The following AVPR1A variants were observed in gnomAD, a reference collection of about 807,000 sequenced individuals.
The protein encoded by AVPR1A is arginine vasopressin receptor 1A, also known as vasopressin V1a receptor.
In AVPR1A, 31 loss-of-function variants were observed where a neutral mutation model predicts 31.5. That is an observed-to-expected ratio of 0.99 (90% CI 0.74 to 1.33). The LOEUF (loss-of-function observed/expected upper bound fraction) is 1.33. AVPR1A is among the 40% of genes most tolerant of loss of function. The pLI is 0.00. For synonymous variants in AVPR1A, 243 were observed against 233.2 expected (o/e 1.04, Z -0.38); for missense variants, 570 against 575.2 (o/e 0.99, Z 0.09).
In AVPR1A at chr12:63,150,269, A is replaced by T. The variant is rs1416060967; in HGVS notation, c.568T>A (p.Ser190Thr). 1 of 1,613,878 alleles carries T rather than the reference A, an allele frequency of 6.2e-7. No homozygotes were observed. The highest frequency in any genetic ancestry group is 8.5e-7 in the Non-Finnish European group (1 of 1,180,028). ...GTGACATTGTTCACCTCGATCATGG[A>T]GAAGACGAAGTACTGCGGCGTGCTC... ...VLSTPQYFVFSMIEVNNVTKA... is the reference protein window; with the variant it reads ...VLSTPQYFVFTMIEVNNVTKA... The change falls in exon 1 of 2, where the codon TCC becomes ACC. Residue 190 changes from serine to threonine, a missense_variant. Ser to Thr is a moderately conservative substitution (Grantham distance 58). Transcript: ENST00000299178. The surrounding 1 kb of genome is among the most constrained non-coding windows in gnomAD (Gnocchi z 4.9).
Position 63,146,990 on chromosome 12 carries a change from G to A in AVPR1A, c.*369C>T. ...GATGAGCTCTCTTTGTTCAGAAATA[G>A]TGCCGCATTTTATGTGACTTTTAAA... On this transcript the variant is annotated 3_prime_UTR_variant, in exon 2 of 2. Transcript: ENST00000299178. 5.2e-6 allele frequency: 1 copy of A among 192,296 alleles called. No homozygotes were observed. The allele number at this position is 192,296 out of a possible 1,614,324, so 11.9% of individuals were successfully genotyped here. A position where few individuals can be genotyped will look rare whatever the true frequency, so the allele number is the denominator to read the frequency against.
rs568007297 is a variant in AVPR1A at position 63,146,382 on chromosome 12, G to A, written c.*977C>T. ...GACAAAGCTATTTTTAATTAAACAT[G>A]TTGGGACACTTTATATCCTGAGTCA... On this transcript the variant is annotated 3_prime_UTR_variant, in exon 2 of 2. Coordinates refer to ENST00000299178, the MANE Select transcript of AVPR1A (RefSeq NM_000706.5). 1 of 152,270 alleles carries A rather than the reference G, an allele frequency of 6.6e-6. No homozygotes were observed. Among genetic ancestry groups the A allele is most frequent in the South Asian group, 2.1e-4 (1 of 4,820 alleles). The allele number at this position is 152,270 out of a possible 1,614,324, so 9.4% of individuals were successfully genotyped here.
At chr12:63,149,656 CTT>C (rs60306126) in intron 1 of AVPR1A, among the ~76,000 whole-genome samples, 21 of 143,522 alleles carry the variant, frequency 1.5e-4, no homozygotes, top group South Asian at 6.6e-4. Context: ...CAGGAATATG[CTT>C]TTTTTTTTTT....
chr12:63,148,134 A>G (rs141402029), intron 1 of AVPR1A, among the ~76,000 whole-genome samples: 164 of 152,332 alleles, frequency 1.1e-3, no homozygotes, highest in African/African-American at 3.8e-3. Context: ...TATGAAAACC[A>G]TACAGAAGAA....
chr12:63,150,793 G>C lies in AVPR1A; in HGVS notation c.44C>G (p.Ser15Cys). 1 of 1,594,896 alleles carries C rather than the reference G, an allele frequency of 6.3e-7. No individual in the cohort carries two copies. Among genetic ancestry groups the C allele is most frequent in the Non-Finnish European group, 8.5e-7 (1 of 1,177,474 alleles). Residue 15 changes from serine (S) to cysteine (C), a missense_variant, in exon 1 of 2, where the codon TCC becomes TGC. Coordinates refer to ENST00000299178, the MANE Select transcript of AVPR1A (RefSeq NM_000706.5). The surrounding 1 kb of genome is among the most constrained non-coding windows in gnomAD (Gnocchi z 4.9). ...AGPDAGPSGN[S>C]SPWWPLATGA... ...GGTGGCCAGAGGCCACCATGGGCTGGAGTTGCCCGAGGGCCCCGCGTCGGG... is the reference window on the plus strand; with the variant it reads ...GGTGGCCAGAGGCCACCATGGGCTGCAGTTGCCCGAGGGCCCCGCGTCGGG...
rs1477694922 is a variant in AVPR1A at position 63,149,934 on chromosome 12, G to A, written c.903C>T (p.Ile301=). The stretch of plus-strand genomic sequence containing the variant: ...TGATGAAGAAAGGCGCCCAGCAGAC[G>A]ATGTAAGCCGTCACGATCACAAAAG... The part of the protein sequence containing the change: ...KMTFVIVTAY[I]VCWAPFFIIQ... The change falls in exon 1 of 2, where the codon ATC becomes ATT. Residue 301 remains isoleucine, a synonymous_variant. Transcript: ENST00000299178. 1.9e-6 allele frequency: 3 copies of A among 1,613,890 alleles called. No individual in the cohort carries two copies. The highest frequency in any genetic ancestry group is 2.5e-6 in the Non-Finnish European group (3 of 1,180,032).
chr12:63,149,116 G>A (rs1036878795), intron 1 of AVPR1A, among the ~76,000 whole-genome samples: 1 of 152,192 alleles, frequency 6.6e-6, no homozygotes, highest in East Asian at 1.9e-4. Context: ...TAAGAGTTGG[G>A]TGGAGAGATG....
chr12:63,148,953 T>C (rs1265916891), intron 1 of AVPR1A, among the ~76,000 whole-genome samples: 1 of 152,200 alleles, frequency 6.6e-6, no homozygotes, highest in African/African-American at 2.4e-5. Flanking sequence ...TTATTTAGTT[T>C]GAGTTTTTGT....
Position 63,150,482 on chromosome 12 carries a change from C to A in AVPR1A, c.355G>T (p.Gly119Cys), listed in dbSNP as rs1342372730. The part of the protein sequence containing the change: ...MCWDITYRFR[G>C]PDWLCRVVKH... ...ACCACGCGGCACAGCCAGTCGGGGCCGCGGAAGCGGTAGGTGATGTCCCAG... is the reference window on the plus strand; with the variant it reads ...ACCACGCGGCACAGCCAGTCGGGGCAGCGGAAGCGGTAGGTGATGTCCCAG... Residue 119 changes from glycine to cysteine, a missense_variant, in exon 1 of 2, where the codon GGC becomes TGC. Coordinates refer to ENST00000299178, the MANE Select transcript of AVPR1A (RefSeq NM_000706.5). This position sits in a 1 kb window ranked among gnomAD's most constrained non-coding sequence, Gnocchi z 4.9. 2 of 1,613,470 alleles carry A rather than the reference C, an allele frequency of 1.2e-6. No homozygotes were observed. The highest frequency in any genetic ancestry group is 2.2e-5 in the East Asian group (1 of 44,848).
At position 63,145,440 on chromosome 12, in the gene AVPR1A, C is replaced by T. The variant is rs1303961872; in HGVS notation, c.*1919G>A. The stretch of plus-strand genomic sequence containing the variant: ...ATACTATTAAAACCATGCTGGCCAA[C>T]ATGGTGAAACCCCATCTCTACTAAA... On this transcript the variant is annotated 3_prime_UTR_variant, in exon 2 of 2. Coordinates refer to ENST00000299178, the MANE Select transcript of AVPR1A (RefSeq NM_000706.5). The T allele has an allele frequency of 2.2e-6, 1 of 445,704 alleles. No homozygotes were observed. The highest frequency in any genetic ancestry group is 4.5e-6 in the Non-Finnish European group (1 of 224,210). 27.6% of individuals were successfully genotyped at this position (445,704 alleles called of 1,614,324 possible).
intron 1 of AVPR1A, 41 bp downstream of exon 1, chr12:63,149,826 A>T: frequency 1.3e-6 from 2 of 1,575,504 alleles, no homozygotes; most frequent in South Asian, 1.2e-5. Flanking sequence ...ACACACACAC[A>T]CTCCTATCCC....
rs1315504088 is a variant in AVPR1A at position 63,150,532 on chromosome 12, A to C, written c.305T>G (p.Phe102Cys). The change falls in exon 1 of 2, where the codon TTC (phenylalanine) becomes TGC (cysteine). Residue 102 changes from phenylalanine to cysteine, a missense_variant. By Grantham distance (205) the Phe-to-Cys change is radical. Coordinates refer to ENST00000299178, the MANE Select transcript of AVPR1A (RefSeq NM_000706.5). This position sits in a 1 kb window ranked among gnomAD's most constrained non-coding sequence, Gnocchi z 4.9. ...HLSLADLAVA[F>C]FQVLPQMCWD... is the part of the protein sequence containing the mutation. ...GCACATTTGCGGCAGCACCTGGAAG[A>C]ATGCCACGGCCAGGTCGGCCAGGCT... The C allele has an allele frequency of 6.2e-7, 1 of 1,613,134 alleles. No individual in the cohort carries two copies. The highest frequency in any genetic ancestry group is 8.5e-7 in the Non-Finnish European group (1 of 1,179,858).
Position 63,150,889 on chromosome 12 carries a change from C to T in AVPR1A, c.-53G>A. 3 of 1,457,568 alleles carry T rather than the reference C, an allele frequency of 2.1e-6. No homozygotes were observed. Among genetic ancestry groups the T allele is most frequent in the Non-Finnish European group, 2.7e-6 (3 of 1,113,140 alleles). 90.3% of individuals were successfully genotyped at this position (1,457,568 alleles called of 1,614,324 possible). ...TCTTCGGAGCTCCAGCCCTCGCGGG[C>T]CGCTCCCTCCCCGTCTCGGAGGACT... On this transcript the variant is annotated 5_prime_UTR_variant, in exon 1 of 2. Coordinates refer to ENST00000299178, the MANE Select transcript of AVPR1A (RefSeq NM_000706.5). This position sits in a 1 kb window ranked among gnomAD's most constrained non-coding sequence, Gnocchi z 4.9.
intron 1 of AVPR1A, among the ~76,000 whole-genome samples, chr12:63,148,128 A>G (rs973474688): frequency 6.6e-6 from 1 of 152,204 alleles, no homozygotes; most frequent in Non-Finnish European, 1.5e-5. Flanking sequence ...TTATAATATG[A>G]AAACCATACA....
Position 63,150,982 on chromosome 12 carries a change from A to C in AVPR1A, c.-146T>G. ...GCTTGCCGGGCTCTGCGATCCCTCC[A>C]GTGGGCGTCTCCCGGAGCAGCGTCC... On this transcript the variant is annotated 5_prime_UTR_variant, in exon 1 of 2. Transcript: ENST00000299178. This position sits in a 1 kb window ranked among gnomAD's most constrained non-coding sequence, Gnocchi z 4.9. The C allele has an allele frequency of 8.2e-7, 1 of 1,226,016 alleles. No homozygotes were observed. The highest frequency in any genetic ancestry group is 1.1e-6 in the Non-Finnish European group (1 of 911,282). 75.9% of individuals were successfully genotyped at this position (1,226,016 alleles called of 1,614,324 possible). A position where few individuals can be genotyped will look rare whatever the true frequency, so the allele number is the denominator to read the frequency against.
Position 63,145,825 on chromosome 12 carries a change from G to A in AVPR1A, c.*1534C>T, listed in dbSNP as rs1868354406. On this transcript the variant is annotated 3_prime_UTR_variant, in exon 2 of 2. Transcript: ENST00000299178. ...CCGTTTAAAAATGGAAAAAATTGAT[G>A]CTTGTGGGTGGCTTTGATCTACCTG... 6.5e-6 allele frequency: 1 copy of A among 152,712 alleles called. No homozygotes were observed. Among genetic ancestry groups the A allele is most frequent in the Non-Finnish European group, 1.5e-5 (1 of 68,442 alleles). The allele number at this position is 152,712 out of a possible 1,614,324, so 9.5% of individuals were successfully genotyped here.
rs1233812311 is a variant in AVPR1A at position 63,150,564 on chromosome 12, T to G, written c.273A>C (p.Arg91=). 8 of 1,612,638 alleles carry G rather than the reference T, an allele frequency of 5.0e-6. No individual in the cohort carries two copies. Among genetic ancestry groups the G allele is most frequent in the Non-Finnish European group, 6.8e-6 (8 of 1,179,868 alleles). The change falls in exon 1 of 2, where the codon CGA becomes CGC. Residue 91 remains arginine, a synonymous_variant. Transcript: ENST00000299178. This position sits in a 1 kb window ranked among gnomAD's most constrained non-coding sequence, Gnocchi z 4.9. ...RKTSRMHLFI[R]HLSLADLAVA... ...CGGCCAGGTCGGCCAGGCTGAGGTG[T>G]CGGATGAAGAGGTGCATGCGGGACG...
At chr12:63,149,039 C>G (rs1868404060) in intron 1 of AVPR1A, among the ~76,000 whole-genome samples, 1 of 151,984 alleles carries the variant, frequency 6.6e-6, no homozygotes, top group African/African-American at 2.4e-5. Context: ...GTTAGTTTTT[C>G]TAGTTTGGGA....
chr12:63,142,899 A>C lies in AVPR1A; in HGVS notation c.*4460T>G, dbSNP rs930669390. Reference sequence around the variant, plus strand: ...AGATACTATCACAAAACATTTTATCACTCATTCAAAACAAGAATCATTCAG... The same window carrying C: ...AGATACTATCACAAAACATTTTATCCCTCATTCAAAACAAGAATCATTCAG... On this transcript the variant is annotated 3_prime_UTR_variant, in exon 2 of 2. Transcript: ENST00000299178. 8 of 152,132 alleles carry C rather than the reference A, an allele frequency of 5.3e-5. No individual in the cohort carries two copies. The highest frequency in any genetic ancestry group is 1.9e-4 in the African/African-American group (8 of 41,458). 9.4% of individuals were successfully genotyped at this position (152,132 alleles called of 1,614,324 possible).
Sources: allele counts gnomAD v4.1 joint callset (sites outside exome capture counted in the v4.1 genomes callset), GRCh38; gene constraint gnomAD v4.1.1; non-coding constraint Gnocchi (gnomAD v3.1); transcripts MANE v1.5; gene names NCBI Gene and HGNC (gene_info 2026-07-23, HGNC 2026-07-21).